Variants in FRMD4A observed in about 807,000 individuals in gnomAD.
The protein encoded by FRMD4A is FERM domain-containing protein 4A.
In FRMD4A, 29 loss-of-function variants were observed where a neutral mutation model predicts 129.1. The ratio of observed to expected loss-of-function variants is 0.22; its 90% CI spans 0.17 to 0.31. FRMD4A has a LOEUF of 0.31. Among genes scored for constraint, FRMD4A ranks in the 10% least tolerant of loss-of-function variants. The pLI is 1.00. For missense variants in FRMD4A, 1,272 were observed against 1,375.8 expected (o/e 0.92, Z 1.19); for synonymous variants, 634 against 571.6 (o/e 1.11, Z -1.56).
chr10:14,266,726 T>A (rs1475927360), intron 2 of FRMD4A, among the ~76,000 whole-genome samples: 1 of 152,236 alleles, frequency 6.6e-6, no homozygotes, highest in Admixed American at 6.5e-5. Flanking sequence ...TTATTTTCTT[T>A]CTTATCATAA....
At position 13,850,626 on chromosome 10, in the gene FRMD4A, T is replaced by TA. The variant is rs984673164; in HGVS notation, c.111+8220_111+8221insT. 5.8e-3 allele frequency among the ~76,000 whole-genome samples: 883 copies of TA among 152,286 alleles called. 6 individuals carry two copies. Among genetic ancestry groups the TA allele is most frequent in the African/African-American group, 0.02 (825 of 41,544 alleles). On this transcript the variant is annotated intron_variant, in intron 3 of 24. Coordinates refer to ENST00000357447, the MANE Select transcript of FRMD4A (RefSeq NM_018027.5). Reference sequence around the variant, plus strand: ...AGACCTGAGATAAGGTTCGAAGTCTTTGGTTGCCATCGTTTATGGCTCTGG... The same window carrying TA: ...AGACCTGAGATAAGGTTCGAAGTCTTATGGTTGCCATCGTTTATGGCTCTGG...
chr10:14,250,285 C>T (rs1361870078), intron 2 of FRMD4A, among the ~76,000 whole-genome samples: 1 of 152,062 alleles, frequency 6.6e-6, no homozygotes, highest in East Asian at 1.9e-4. Context: ...TATTCCTCCT[C>T]CTCATAAAAA....
At chr10:13,750,165 G>T (rs1299838662) in intron 8 of FRMD4A, among the ~76,000 whole-genome samples, 1 of 133,678 alleles carries the variant, frequency 7.5e-6, no homozygotes, top group Non-Finnish European at 1.6e-5. Context: ...GAGAAGGAAA[G>T]ACAATGACCA....
At chr10:13,713,867 T>C (rs867974676) in intron 12 of FRMD4A, among the ~76,000 whole-genome samples, 1 of 25,208 alleles carries the variant, frequency 4.0e-5, no homozygotes. Flanking sequence ...ATAATATATA[T>C]ACATATATGT....
intron 2 of FRMD4A, among the ~76,000 whole-genome samples, chr10:14,038,532 A>C (rs991456300): frequency 2.6e-5 from 4 of 152,134 alleles, no homozygotes; most frequent in African/African-American, 9.7e-5. Context: ...AGAGATAGGC[A>C]AGCCCCCAAA....
intron 2 of FRMD4A, among the ~76,000 whole-genome samples, chr10:14,256,292 C>T (rs941539121): frequency 6.6e-6 from 1 of 151,888 alleles, no homozygotes; most frequent in Non-Finnish European, 1.5e-5. Flanking sequence ...AAAAGACTTA[C>T]AAAAAAGAAG....
chr10:13,870,800 G>A (rs1488972015), intron 2 of FRMD4A: 1 of 152,404 alleles, frequency 6.6e-6, no homozygotes, highest in African/African-American at 2.4e-5. Flanking sequence ...CAGAACGGGA[G>A]GCAAGCCCAT....
chr10:14,101,964 GA>G (rs1013744179), intron 2 of FRMD4A, among the ~76,000 whole-genome samples: 2 of 152,074 alleles, frequency 1.3e-5, no homozygotes, highest in Non-Finnish European at 2.9e-5. Flanking sequence ...AGAACTTAAT[GA>G]AAAAAATTAA....
In FRMD4A at chr10:13,687,666, C is replaced by A. The variant is rs569781842; in HGVS notation, c.1117+6232G>T. Among the ~76,000 whole-genome samples the A allele has an allele frequency of 1.3e-3, 192 of 152,218 alleles. 1 individual carries two copies. Among genetic ancestry groups the A allele is most frequent in the African/African-American group, 4.6e-3 (190 of 41,510 alleles). On this transcript the variant is annotated intron_variant, in intron 15 of 24. Transcript: ENST00000357447. ...TTTCTGCAAATGTGTTACCTGAAGA[C>A]TTAGGAGTGAAAGCAACAGAGAGAC...
At chr10:13,964,202 T>C (rs1375922681) in intron 2 of FRMD4A, among the ~76,000 whole-genome samples, 1 of 148,650 alleles carries the variant, frequency 6.7e-6, no homozygotes, top group Non-Finnish European at 1.5e-5. Context: ...TTTCTACAAA[T>C]AGACCAAAGA....
intron 3 of FRMD4A, among the ~76,000 whole-genome samples, chr10:13,854,701 G>C (rs1199284102): frequency 6.6e-6 from 1 of 151,762 alleles, no homozygotes; most frequent in Non-Finnish European, 1.5e-5. Flanking sequence ...CAAAGTGCTG[G>C]GATTACAGGT....
intron 2 of FRMD4A, among the ~76,000 whole-genome samples, chr10:14,190,313 G>A (rs1239826030): frequency 6.6e-6 from 1 of 152,078 alleles, no homozygotes; most frequent in Admixed American, 6.6e-5. Context: ...CAGAAAAAAG[G>A]GCTCACTGCT....
intron 2 of FRMD4A, among the ~76,000 whole-genome samples, chr10:14,288,948 C>A (rs981809307): frequency 1.3e-5 from 2 of 152,152 alleles, no homozygotes; most frequent in Admixed American, 1.3e-4. Context: ...TTGCATATGA[C>A]AGGATTTCTT....
At chr10:13,674,292 G>A (rs7086208) in intron 16 of FRMD4A, among the ~76,000 whole-genome samples, 14,828 of 152,184 alleles carry the variant, frequency 0.097, 1,694 homozygotes, top group African/African-American at 0.27. Context: ...AATCTTGGGA[G>A]GATGGTGGCC....
chr10:13,664,040 C>T (rs1161590541), intron 18 of FRMD4A, among the ~76,000 whole-genome samples: 1 of 152,124 alleles, frequency 6.6e-6, no homozygotes, highest in Non-Finnish European at 1.5e-5. Flanking sequence ...TTTATAGATG[C>T]CATTCAATTA....
chr10:14,313,576 T>G (rs962735715), intron 2 of FRMD4A, among the ~76,000 whole-genome samples: 1 of 152,234 alleles, frequency 6.6e-6, no homozygotes, highest in African/African-American at 2.4e-5. Context: ...TCTATTTTCT[T>G]TTTGATCATT....
intron 2 of FRMD4A, among the ~76,000 whole-genome samples, chr10:14,025,016 G>C (rs7895444): frequency 0.2 from 29,977 of 152,214 alleles, 3,578 homozygotes; most frequent in East Asian, 0.42. Flanking sequence ...TCTTTGTAGA[G>C]AACGTATCAG....
At chr10:14,323,956 AGCAGAGCCAAGACATG>A (rs1843165872) in intron 2 of FRMD4A, among the ~76,000 whole-genome samples, 1 of 152,212 alleles carries the variant, frequency 6.6e-6, no homozygotes, top group African/African-American at 2.4e-5. Context: ...CACAAAGAAA[AGCAGAGCCAAGACATG>A]GCAGAGCCAG....
intron 2 of FRMD4A, among the ~76,000 whole-genome samples, chr10:14,288,482 T>C (rs191641272): frequency 6.6e-5 from 10 of 152,318 alleles, no homozygotes; most frequent in Admixed American, 5.9e-4. Flanking sequence ...AATACCCCAG[T>C]AGACTAAAGG....
Sources: allele counts gnomAD v4.1 joint callset (sites outside exome capture counted in the v4.1 genomes callset), GRCh38; gene constraint gnomAD v4.1.1; transcripts MANE v1.5; gene names NCBI Gene and HGNC (gene_info 2026-07-23, HGNC 2026-07-21).